Variants in TENM2 observed in about 807,000 individuals in gnomAD.
TENM2 encodes teneurin-2.
A neutral mutation model predicts 245.2 loss-of-function variants in TENM2; 52 were observed. That is an observed-to-expected ratio of 0.21 (90% CI 0.17 to 0.27). The LOEUF (loss-of-function observed/expected upper bound fraction) is 0.27, where lower values mean the gene tolerates loss of function less well. TENM2 is among the 10% of genes least tolerant of loss of function. The pLI, the probability that TENM2 is intolerant of heterozygous loss-of-function variation, is 1.00. For synonymous variants in TENM2, 1,363 were observed against 1,438.9 expected, an observed-to-expected ratio of 0.95 and a Z score of 1.19; for missense variants, 3,046 against 3,666.8, an observed-to-expected ratio of 0.83 and a Z score of 4.37.
intron 3 of TENM2, among the ~76,000 whole-genome samples, chr5:167,947,300 T>TGTG (rs1390422969): frequency 7.9e-5 from 12 of 152,358 alleles, no homozygotes; most frequent in South Asian, 6.2e-4. Context: ...CATAATAATA[T>TGTG]GTGTTAATAG....
chr5:168,206,079 G>A (rs1762326406), intron 19 of TENM2, among the ~76,000 whole-genome samples: 1 of 152,206 alleles, frequency 6.6e-6, no homozygotes, highest in Admixed American at 6.5e-5. Flanking sequence ...AACGAATCAA[G>A]GGCCCTGCCT....
chr5:167,870,548 T>C (rs1321738780), intron 2 of TENM2, among the ~76,000 whole-genome samples: 1 of 134,180 alleles, frequency 7.5e-6, no homozygotes, highest in Non-Finnish European at 1.6e-5. Context: ...TAAAAGAATG[T>C]GTATACATAT....
intron 13 of TENM2, among the ~76,000 whole-genome samples, chr5:168,170,185 C>G (rs1758675842): frequency 6.6e-6 from 1 of 152,276 alleles, no homozygotes; most frequent in Non-Finnish European, 1.5e-5. Context: ...GTTCAGTTTT[C>G]TCTTATGCTA....
intron 7 of TENM2, among the ~76,000 whole-genome samples, chr5:168,068,354 G>A (rs1790683895): frequency 6.6e-6 from 1 of 152,140 alleles, no homozygotes; most frequent in Non-Finnish European, 1.5e-5. Flanking sequence ...GAGAGTCTTG[G>A]AGGTGCTGTA....
chr5:166,980,026 T>C, the TENM2 span, among the ~76,000 whole-genome samples: 2 of 152,192 alleles, frequency 1.3e-5, no homozygotes, highest in African/African-American at 4.8e-5. Context: ...TATTCAAAAT[T>C]GCAGGAGGAA....
Position 168,247,931 on chromosome 5 carries a change from G to C in TENM2, c.6992G>C (p.Arg2331Pro). Residue 2331 changes from arginine to proline, a missense_variant, in exon 27 of 29, where the codon CGC (arginine) becomes CCC (proline). Physicochemically the swap from Arg to Pro is moderately radical, Grantham distance 103. Coordinates refer to ENST00000518659, the Ensembl canonical transcript of TENM2. This position sits in a 1 kb window ranked among gnomAD's most constrained non-coding sequence, Gnocchi z 7.8. The stretch of plus-strand genomic sequence containing the variant: ...TACTCTGACCTCCACAACCCGACGC[G>C]CATCACCCATGTCTACAATCACTCC... 1 of 1,613,860 alleles carries C rather than the reference G, an allele frequency of 6.2e-7. No homozygotes were observed. The highest frequency in any genetic ancestry group is 8.5e-7 in the Non-Finnish European group (1 of 1,179,876).
At chr5:167,670,368 T>C (rs1266440583) in intron 2 of TENM2, among the ~76,000 whole-genome samples, 1 of 152,200 alleles carries the variant, frequency 6.6e-6, no homozygotes, top group East Asian at 1.9e-4. Context: ...AAGCGCAATG[T>C]GATCCAATGT....
At chr5:167,008,140 T>C in the TENM2 span, among the ~76,000 whole-genome samples, 4 of 152,326 alleles carry the variant, frequency 2.6e-5, no homozygotes, top group African/African-American at 7.2e-5. Flanking sequence ...GAACTCAAAC[T>C]AAGACACGTA....
the TENM2 span, among the ~76,000 whole-genome samples, chr5:167,066,997 T>G: frequency 1.3e-5 from 2 of 152,196 alleles, no homozygotes; most frequent in South Asian, 4.1e-4. Flanking sequence ...TATCTATGAA[T>G]TAATTATAAT....
intron 3 of TENM2, among the ~76,000 whole-genome samples, chr5:167,897,141 T>A (rs1775288423): frequency 6.6e-6 from 1 of 152,214 alleles, no homozygotes; most frequent in Admixed American, 6.5e-5. Context: ...ATCCACACTT[T>A]TAGAATATGA....
At chr5:168,214,280 G>A (rs1183269603) in intron 20 of TENM2, among the ~76,000 whole-genome samples, 3 of 152,154 alleles carry the variant, frequency 2.0e-5, no homozygotes, top group Admixed American at 6.5e-5. Context: ...AGAGGCTCAC[G>A]CCTTCCTAAT....
chr5:167,593,639 A>T (rs1776020123), intron 2 of TENM2, among the ~76,000 whole-genome samples: 1 of 152,198 alleles, frequency 6.6e-6, no homozygotes, highest in Non-Finnish European at 1.5e-5. Flanking sequence ...AAAGTTGCAA[A>T]TATTTATCCT....
intron 2 of TENM2, among the ~76,000 whole-genome samples, chr5:167,514,997 C>G (rs1244130635): frequency 6.6e-6 from 1 of 151,912 alleles, no homozygotes; most frequent in Non-Finnish European, 1.5e-5. Context: ...GGTGACAGAG[C>G]GAGACTCCAT....
At chr5:167,776,617 A>AAC (rs1763811905) in intron 2 of TENM2, among the ~76,000 whole-genome samples, 1 of 99,422 alleles carries the variant, frequency 1.0e-5, no homozygotes, top group African/African-American at 4.4e-5. Flanking sequence ...AAAAAAAAAA[A>AAC]AAAAAAAAAC....
intron 2 of TENM2, among the ~76,000 whole-genome samples, chr5:167,765,506 T>C (rs1417754344): frequency 1.3e-5 from 2 of 152,190 alleles, no homozygotes; most frequent in Non-Finnish European, 2.9e-5. Flanking sequence ...TACATCAGTC[T>C]CTTGTATGAT....
intron 1 of TENM2, among the ~76,000 whole-genome samples, chr5:167,352,741 A>C (rs1759002908): frequency 6.6e-6 from 1 of 152,248 alleles, no homozygotes; most frequent in Admixed American, 6.5e-5. Flanking sequence ...GTAGCTAATA[A>C]CGTCTTTGTG....
intron 2 of TENM2, among the ~76,000 whole-genome samples, chr5:167,537,662 G>A (rs1771937475): frequency 6.6e-6 from 1 of 152,190 alleles, no homozygotes; most frequent in Non-Finnish European, 1.5e-5. Context: ...ACGAATCTGA[G>A]CCTTTACTAA....
At chr5:167,432,166 A>G (rs1305881980) in intron 2 of TENM2, among the ~76,000 whole-genome samples, 1 of 151,540 alleles carries the variant, frequency 6.6e-6, no homozygotes, top group Non-Finnish European at 1.5e-5. Context: ...GAGATTCGCA[A>G]TATGGGAAAG....
At position 168,148,096 on chromosome 5, in the gene TENM2, T is replaced by A. The variant is rs75674462; in HGVS notation, c.2423-14515T>A. On this transcript the variant is annotated intron_variant, in intron 12 of 28. Transcript: ENST00000518659. ...CCTCCTGGGAATTGCTCTGCTGCAA[T>A]TTGGGAGTGTGTACGTGTGGAAACT... is the stretch of plus-strand genomic sequence containing the variant. Among the ~76,000 whole-genome samples the A allele has an allele frequency of 9.4e-3, 1,437 of 152,332 alleles. 11 individuals carry two copies. Among genetic ancestry groups the A allele is most frequent in the Non-Finnish European group, 0.014 (928 of 68,024 alleles).
Sources: allele counts gnomAD v4.1 joint callset (sites outside exome capture counted in the v4.1 genomes callset), GRCh38; gene constraint gnomAD v4.1.1; non-coding constraint Gnocchi (gnomAD v3.1); transcripts MANE v1.5; gene names NCBI Gene and HGNC (gene_info 2026-07-23, HGNC 2026-07-21).